Variants in RAPGEF4 observed in about 807,000 individuals in gnomAD.
RAPGEF4 encodes the protein Rap guanine nucleotide exchange factor 4.
In RAPGEF4, 66 loss-of-function variants were observed where a neutral mutation model predicts 147.9. That is an observed-to-expected ratio of 0.45 (90% CI 0.37 to 0.55). The LOEUF (loss-of-function observed/expected upper bound fraction) is 0.55. Among genes scored for constraint, RAPGEF4 ranks in the 20% least tolerant of loss-of-function variants. RAPGEF4 has a pLI of 0.00. For synonymous variants in RAPGEF4, 419 were observed against 442.7 expected (o/e 0.95, Z 0.67); for missense variants, 1,071 against 1,257.3 (o/e 0.85, Z 2.24).
intron 1 of RAPGEF4, among the ~76,000 whole-genome samples, chr2:172,783,446 C>T (rs1356096004): frequency 2.0e-5 from 3 of 152,120 alleles, no homozygotes; most frequent in Admixed American, 6.6e-5. Context: ...ACAGACTCCA[C>T]GTGCTCTGCT....
chr2:173,001,466 C>A, intron 17 of RAPGEF4, 122 bp downstream of exon 17: 3 of 1,214,524 alleles, frequency 2.5e-6, no homozygotes, highest in East Asian at 2.4e-5. Flanking sequence ...GCATTCCACC[C>A]TCATCACACT....
At chr2:172,982,009 T>C (rs1252814190) in intron 10 of RAPGEF4, among the ~76,000 whole-genome samples, 4 of 152,236 alleles carry the variant, frequency 2.6e-5, no homozygotes, top group Non-Finnish European at 4.4e-5. Context: ...GACACCTTTA[T>C]GGTTGCTGCT....
chr2:172,907,226 T>A (rs2149989874), intron 4 of RAPGEF4, among the ~76,000 whole-genome samples: 1 of 152,376 alleles, frequency 6.6e-6, no homozygotes, highest in South Asian at 2.1e-4. Flanking sequence ...GTCTGTATAC[T>A]AATATTGTAT....
At chr2:172,855,196 A>G in intron 4 of RAPGEF4, among the ~76,000 whole-genome samples, 1 of 152,032 alleles carries the variant, frequency 6.6e-6, no homozygotes, top group East Asian at 1.9e-4. Context: ...TGGCTTTTCA[A>G]TTGTATCTCT....
chr2:172,798,728 G>A (rs970813648), intron 3 of RAPGEF4, among the ~76,000 whole-genome samples: 15 of 150,554 alleles, frequency 1.0e-4, no homozygotes, highest in Non-Finnish European at 1.6e-4. Flanking sequence ...ACTTGTATGT[G>A]TATTGAAGTT....
rs188567842 is a variant in RAPGEF4, at chr2:173,019,218, T to G, written c.2155+416T>G. On this transcript the variant is annotated intron_variant, in intron 22 of 30. Coordinates refer to ENST00000397081, the MANE Select transcript of RAPGEF4 (RefSeq NM_007023.4). ...GCTAGTTCTTTGAAGCTGATGATGG[T>G]TTTTCTCCTTACTCAGTAGAGAGGC... Among the ~76,000 whole-genome samples, 81 of 152,344 alleles carry G rather than the reference T, an allele frequency of 5.3e-4. 1 individual carries two copies. The highest frequency in any genetic ancestry group is 4.9e-3 in the Admixed American group (75 of 15,312).
rs1458626202 is a variant in RAPGEF4, at chr2:172,836,737, G to A, written c.444+22312G>A. On this transcript the variant is annotated intron_variant, in intron 4 of 30. Transcript: ENST00000397081. ...TCCAGGTAAAGCCAGGAAATACAAC[G>A]AGGGCTGGAAATAGCTCGTGGCTAG... Among the ~76,000 whole-genome samples, 9 of 152,302 alleles carry A rather than the reference G, an allele frequency of 5.9e-5. No homozygotes were observed. In the East Asian group the frequency reaches 1.4e-3, roughly 23 times the overall value.
At chr2:172,845,186 G>A (rs1178302943) in intron 4 of RAPGEF4, among the ~76,000 whole-genome samples, 1 of 152,202 alleles carries the variant, frequency 6.6e-6, no homozygotes, top group Non-Finnish European at 1.5e-5. Context: ...GAGGTTCTTT[G>A]AGTTATGTGG....
intron 6 of RAPGEF4, among the ~76,000 whole-genome samples, chr2:172,942,635 G>T (rs1400827087): frequency 6.6e-6 from 1 of 151,740 alleles, no homozygotes; most frequent in Non-Finnish European, 1.5e-5. Flanking sequence ...GTTACCAAAG[G>T]GAAGTGCAGA....
intron 10 of RAPGEF4, among the ~76,000 whole-genome samples, chr2:172,980,957 T>C (rs1426989044): frequency 6.6e-6 from 1 of 152,170 alleles, no homozygotes; most frequent in Non-Finnish European, 1.5e-5. Flanking sequence ...CAGGATAGCA[T>C]TTTTAAAAAA....
intron 17 of RAPGEF4, among the ~76,000 whole-genome samples, chr2:173,004,259 A>G (rs1694229615): frequency 6.6e-6 from 1 of 152,212 alleles, no homozygotes; most frequent in Admixed American, 6.5e-5. Flanking sequence ...CTCTCTATTC[A>G]TTAGACACAG....
intron 4 of RAPGEF4, among the ~76,000 whole-genome samples, chr2:172,818,464 G>A (rs1234774784): frequency 6.6e-6 from 1 of 152,196 alleles, no homozygotes; most frequent in Non-Finnish European, 1.5e-5. Flanking sequence ...TTCGGTGACA[G>A]GTTCCAAATA....
At chr2:172,844,394 TA>T (rs991772920) in intron 4 of RAPGEF4, among the ~76,000 whole-genome samples, 1 of 152,128 alleles carries the variant, frequency 6.6e-6, no homozygotes, top group Admixed American at 6.6e-5. Context: ...ACTCGGGAAA[TA>T]AAAATGTACT....
chr2:172,889,898 A>G (rs1274783171), intron 4 of RAPGEF4: 4 of 844,320 alleles, frequency 4.7e-6, no homozygotes, highest in Non-Finnish European at 5.7e-6. Flanking sequence ...GTTGCTCTCT[A>G]TTCCTGGGGT....
intron 4 of RAPGEF4, among the ~76,000 whole-genome samples, chr2:172,851,645 C>CA (rs1253187055): frequency 1.3e-5 from 2 of 152,168 alleles, no homozygotes; most frequent in African/African-American, 2.4e-5. Flanking sequence ...TTCTTTGCAG[C>CA]AACATGGTTG....
intron 1 of RAPGEF4, among the ~76,000 whole-genome samples, chr2:172,760,574 C>T (rs1696211544): frequency 6.6e-6 from 1 of 151,992 alleles, no homozygotes; most frequent in Admixed American, 6.6e-5. Flanking sequence ...AAAAATTAGC[C>T]AGGCATGGTG....
chr2:172,889,673 C>A, intron 4 of RAPGEF4: 1 of 163,974 alleles, frequency 6.1e-6, no homozygotes, highest in Non-Finnish European at 1.3e-5. Flanking sequence ...TTCTCATTCA[C>A]TGTGAGAATA....
chr2:172,811,884 A>G (rs1488410994), intron 3 of RAPGEF4, among the ~76,000 whole-genome samples: 1 of 152,228 alleles, frequency 6.6e-6, no homozygotes, highest in African/African-American at 2.4e-5. Context: ...GCACATTGCA[A>G]GGCCCTGCCT....
At chr2:172,808,212 A>T (rs1309173323) in intron 3 of RAPGEF4, among the ~76,000 whole-genome samples, 1 of 152,244 alleles carries the variant, frequency 6.6e-6, no homozygotes, top group Non-Finnish European at 1.5e-5. Flanking sequence ...ACAATGAAAC[A>T]AATAAAACGC....
Sources: gnomAD v4.1 joint callset for allele counts (sites outside exome capture counted in the v4.1 genomes callset) on GRCh38, gnomAD v4.1.1 for gene constraint, MANE v1.5 for transcripts, NCBI Gene and HGNC (gene_info 2026-07-23, HGNC 2026-07-21) for gene names.